Variants in SLC22A15 observed in about 807,000 individuals in gnomAD.
SLC22A15 encodes the protein solute carrier family 22 member 15.
SLC22A15 carries 45 observed loss-of-function variants against 62.7 expected under a neutral mutation model. The ratio of observed to expected loss-of-function variants is 0.72; its 90% CI spans 0.56 to 0.92. SLC22A15 has a LOEUF of 0.92. Ranked by LOEUF, SLC22A15 falls within the 40% of genes least tolerant of loss-of-function variation. The pLI, the probability that SLC22A15 is intolerant of heterozygous loss-of-function variation, is 0.00. For missense variants in SLC22A15, 622 were observed against 665.6 expected (o/e 0.93, Z 0.72); for synonymous variants, 264 against 267.0 (o/e 0.99, Z 0.11).
chr1:116,044,225 G>C (rs750239559), intron 8 of SLC22A15, among the ~76,000 whole-genome samples: 2 of 152,202 alleles, frequency 1.3e-5, no homozygotes, highest in African/African-American at 4.8e-5. Context: ...AGCAAATTGA[G>C]TCCAGCACTG....
At position 116,027,149 on chromosome 1, in the gene SLC22A15, A is replaced by T; in HGVS notation, c.728+127A>T. On this transcript the variant is annotated intron_variant, in intron 5 of 11. Coordinates refer to ENST00000369503, the MANE Select transcript of SLC22A15 (RefSeq NM_018420.3). The stretch of plus-strand genomic sequence containing the variant: ...CTGCACTGACTTTGGTGAAGAACTA[A>T]ATTCTGCAAGTGCTCCAATTCTTGG... 4.6e-6 allele frequency: 4 copies of T among 876,396 alleles called. No homozygotes were observed. In the South Asian group the frequency reaches 4.6e-5, roughly 10 times the overall value. The allele number at this position is 876,396 out of a possible 1,614,324, so 54.3% of individuals were successfully genotyped here. A position where few individuals can be genotyped will look rare whatever the true frequency, so the allele number is the denominator to read the frequency against.
chr1:116,021,920 C>T (rs1220163419), intron 4 of SLC22A15, among the ~76,000 whole-genome samples: 2 of 152,224 alleles, frequency 1.3e-5, no homozygotes, highest in Non-Finnish European at 1.5e-5. Context: ...CCTCTTGGAA[C>T]TTCAGCATGT....
chr1:116,021,203 T>C (rs537185905), intron 4 of SLC22A15, among the ~76,000 whole-genome samples: 1 of 152,316 alleles, frequency 6.6e-6, no homozygotes, highest in Non-Finnish European at 1.5e-5. Flanking sequence ...AACTGAAAAA[T>C]AGTGCAGACA....
intron 1 of SLC22A15, among the ~76,000 whole-genome samples, chr1:115,983,556 T>G (rs1371322494): frequency 1.3e-5 from 2 of 152,200 alleles, no homozygotes; most frequent in Non-Finnish European, 2.9e-5. Flanking sequence ...CAGCAGGCCC[T>G]GTAAGGCTGT....
At position 116,062,878 on chromosome 1, in the gene SLC22A15, A is replaced by G. The variant is rs748396103; in HGVS notation, c.1288A>G (p.Ile430Val). 4 of 1,613,400 alleles carry G rather than the reference A, an allele frequency of 2.5e-6. No individual in the cohort carries two copies. Among genetic ancestry groups the G allele is most frequent in the African/African-American group, 2.7e-5 (2 of 74,928 alleles). The change falls in exon 9 of 12, where the codon ATC becomes GTC. Residue 430 changes from isoleucine (I) to valine (V), a missense_variant. Ile to Val is a conservative substitution (Grantham distance 29). Coordinates refer to ENST00000369503, the MANE Select transcript of SLC22A15 (RefSeq NM_018420.3). Reference sequence around the variant, plus strand: ...CACCTCTGAGCTTTACCCTACAGTCATCAGGTACGTGTCTCACACAGCCTC... The same window carrying G: ...CACCTCTGAGCTTTACCCTACAGTCGTCAGGTACGTGTCTCACACAGCCTC... ...IYTSELYPTV[I>V]RNVGLGTCSM...
intron 8 of SLC22A15, among the ~76,000 whole-genome samples, chr1:116,040,242 A>G (rs182487036): frequency 6.6e-6 from 1 of 152,306 alleles, no homozygotes; most frequent in East Asian, 1.9e-4. Context: ...CCTGCCCAGT[A>G]TATATTTGCA....
At chr1:116,052,816 G>C (rs1658099575) in intron 8 of SLC22A15, among the ~76,000 whole-genome samples, 1 of 152,156 alleles carries the variant, frequency 6.6e-6, no homozygotes, top group Non-Finnish European at 1.5e-5. Flanking sequence ...TGGACCTCTA[G>C]CAAACTCCAA....
chr1:116,062,683 C>A, intron 8 of SLC22A15, 79 bp from the exon 9 acceptor site: 2 of 1,546,124 alleles, frequency 1.3e-6, no homozygotes, highest in Non-Finnish European at 1.8e-6. Context: ...ATGCCACCTG[C>A]TCCATCAAAA....
intron 1 of SLC22A15, among the ~76,000 whole-genome samples, chr1:115,989,682 G>A (rs1423439867): frequency 6.6e-6 from 1 of 151,848 alleles, no homozygotes; most frequent in East Asian, 1.9e-4. Flanking sequence ...TCGGGAGGCC[G>A]AGGCATGAGA....
chr1:116,009,780 A>G (rs1022189065), intron 2 of SLC22A15, among the ~76,000 whole-genome samples: 7 of 152,320 alleles, frequency 4.6e-5, no homozygotes, highest in Middle Eastern at 3.4e-3. Context: ...TCTGTGGTAT[A>G]TAGGTAATGT....
At chr1:116,017,948 C>A (rs1014750375) in intron 2 of SLC22A15, among the ~76,000 whole-genome samples, 3 of 152,178 alleles carry the variant, frequency 2.0e-5, no homozygotes, top group African/African-American at 7.2e-5. Flanking sequence ...GTTGCTTTCT[C>A]TTTAAGTTCC....
rs989594871 is a variant in SLC22A15 at position 116,069,908 on chromosome 1, C to A, written c.*2800C>A. On this transcript the variant is annotated 3_prime_UTR_variant, in exon 12 of 12. Coordinates refer to ENST00000369503, the MANE Select transcript of SLC22A15 (RefSeq NM_018420.3). The stretch of plus-strand genomic sequence containing the variant: ...GTCACTACTGTATCAGAATTAAAAA[C>A]CAGCTTCACATTAGGACTTCTCCAT... 2 of 152,106 alleles carry A rather than the reference C, an allele frequency of 1.3e-5. No homozygotes were observed. The highest frequency in any genetic ancestry group is 2.9e-5 in the Non-Finnish European group (2 of 67,986). 9.4% of individuals were successfully genotyped at this position (152,106 alleles called of 1,614,324 possible).
intron 8 of SLC22A15, among the ~76,000 whole-genome samples, chr1:116,039,519 G>A (rs1349393304): frequency 6.6e-6 from 1 of 151,904 alleles, no homozygotes; most frequent in Admixed American, 6.6e-5. Flanking sequence ...GGTGACAAGA[G>A]CAAAATTCTG....
intron 8 of SLC22A15, among the ~76,000 whole-genome samples, chr1:116,052,827 C>A (rs1186724205): frequency 6.6e-6 from 1 of 152,196 alleles, no homozygotes; most frequent in African/African-American, 2.4e-5. Flanking sequence ...CAAACTCCAA[C>A]AGACCTGCAG....
chr1:115,979,643 G>C (rs1389525742), intron 1 of SLC22A15, among the ~76,000 whole-genome samples: 1 of 152,156 alleles, frequency 6.6e-6, no homozygotes, highest in African/African-American at 2.4e-5. Flanking sequence ...GTGATTCCGA[G>C]TTGCTGCCAT....
chr1:116,061,773 T>C (rs377197753), intron 8 of SLC22A15, among the ~76,000 whole-genome samples: 2 of 152,108 alleles, frequency 1.3e-5, no homozygotes, highest in African/African-American at 4.8e-5. Flanking sequence ...GCATTTTTGG[T>C]AAAGAAATGA....
At chr1:116,053,043 C>A (rs12072296) in intron 8 of SLC22A15, among the ~76,000 whole-genome samples, 23,647 of 152,204 alleles carry the variant, frequency 0.16, 2,746 homozygotes, top group African/African-American at 0.33. Context: ...AGCAACAGAA[C>A]AAAGCTGGAC....
Position 115,976,606 on chromosome 1 carries a change from G to A in SLC22A15, c.-22G>A. On this transcript the variant is annotated 5_prime_UTR_variant, in exon 1 of 12. Transcript: ENST00000369503. ...CGCCTGAGAGGGCGGTGGGGTGGCG[G>A]GGTTCCTGCGCGCGGCCCGCCATGG... The A allele has an allele frequency of 6.4e-7, 1 of 1,551,806 alleles. No individual in the cohort carries two copies. Among genetic ancestry groups the A allele is most frequent in the African/African-American group, 1.4e-5 (1 of 70,860 alleles).
In SLC22A15 at chr1:116,020,761, T is replaced by A; in HGVS notation, c.474T>A (p.Phe158Leu). 6.2e-7 allele frequency: 1 copy of A among 1,613,278 alleles called. No individual in the cohort carries two copies. Among genetic ancestry groups the A allele is most frequent in the Non-Finnish European group, 8.5e-7 (1 of 1,179,466 alleles). ...TCTTATTTGCAATTGCAAATGGATT[T>A]TCCCCCTCATATGAGTTCTTTGCAG... Reference protein sequence around the residue: ...LDILFAIANGFSPSYEFFAVT... With the variant: ...LDILFAIANGLSPSYEFFAVT... Residue 158 changes from phenylalanine to leucine, a missense_variant, in exon 4 of 12, where the codon TTT becomes TTA. Transcript: ENST00000369503.
Sources: allele counts gnomAD v4.1 joint callset (sites outside exome capture counted in the v4.1 genomes callset), GRCh38; gene constraint gnomAD v4.1.1; transcripts MANE v1.5; gene names NCBI Gene and HGNC (gene_info 2026-07-23, HGNC 2026-07-21).